PCDH15: variants seen among roughly 807,000 people sequenced by gnomAD.
PCDH15 encodes the protein protocadherin-15.
In PCDH15, 129 loss-of-function variants were observed where a neutral mutation model predicts 178.5. The observed-to-expected ratio is 0.72, with a 90% CI of 0.63 to 0.84. PCDH15 has a LOEUF of 0.84. Among genes scored for constraint, PCDH15 ranks in the 40% least tolerant of loss-of-function variants. PCDH15 has a pLI of 0.00. For missense variants in PCDH15, 2,230 were observed against 2,099.9 expected (o/e 1.06, Z -1.21); for synonymous variants, 800 against 732.0 (o/e 1.09, Z -1.50).
At chr10:54,073,365 C>T (rs2384372) in intron 17 of PCDH15, among the ~76,000 whole-genome samples, 99,848 of 151,688 alleles carry the variant, frequency 0.66, 33,857 homozygotes, top group Middle Eastern at 0.77. Flanking sequence ...TATAACCATA[C>T]GTATTGTGTT....
chr10:54,318,682 G>A (rs1393792702), intron 7 of PCDH15, among the ~76,000 whole-genome samples: 1 of 152,084 alleles, frequency 6.6e-6, no homozygotes, highest in African/African-American at 2.4e-5. Flanking sequence ...TGACAATTTT[G>A]AGCACTGGAT....
chr10:55,044,437 T>A (rs1564743938), intron 2 of PCDH15, among the ~76,000 whole-genome samples: 2 of 152,076 alleles, frequency 1.3e-5, no homozygotes, highest in Admixed American at 6.6e-5. Context: ...TCCACTTATT[T>A]TCAGTATTTC....
rs75471811 is a variant in PCDH15, at chr10:55,218,037, C to T, written c.-155-51386G>A. On this transcript the variant is annotated intron_variant, in intron 1 of 5. Coordinates refer to the PCDH15 transcript ENST00000458638. ...TTCCTCTCTTTTTAGGAAGAGTTCTCCTGACACTTTCTTAGCCATTGGGTT... is the reference window on the plus strand; with the variant it reads ...TTCCTCTCTTTTTAGGAAGAGTTCTTCTGACACTTTCTTAGCCATTGGGTT... 5.6e-3 allele frequency among the ~76,000 whole-genome samples: 850 copies of T among 152,078 alleles called. 19 individuals are homozygous for T. Among genetic ancestry groups the T allele is most frequent in the African/African-American group, 0.018 (737 of 41,486 alleles).
chr10:53,936,252 G>C (rs1024479618), intron 25 of PCDH15, among the ~76,000 whole-genome samples: 3 of 152,130 alleles, frequency 2.0e-5, no homozygotes, highest in African/African-American at 7.2e-5. Context: ...TGATTCTGAT[G>C]TAAATAAATG....
At chr10:54,565,680 A>T (rs1018065674) in intron 2 of PCDH15, among the ~76,000 whole-genome samples, 1 of 152,206 alleles carries the variant, frequency 6.6e-6, no homozygotes, top group Non-Finnish European at 1.5e-5. Context: ...AGCTGTTTGC[A>T]ATTGTGAAAA....
intron 1 of PCDH15, among the ~76,000 whole-genome samples, chr10:55,280,269 C>CTTTTTTTTT (rs1007536850): frequency 1.5e-5 from 1 of 65,990 alleles, no homozygotes; most frequent in Non-Finnish European, 3.0e-5. Context: ...TATTTTGATT[C>CTTTTTTTTT]TTTTTTTTTT....
chr10:55,333,308 G>A (rs967672409), intron 2 of PCDH15, among the ~76,000 whole-genome samples: 24 of 152,098 alleles, frequency 1.6e-4, no homozygotes, highest in African/African-American at 5.1e-4. Flanking sequence ...GGAAATGTAG[G>A]GGAGAGAGGG....
intron 3 of PCDH15, among the ~76,000 whole-genome samples, chr10:54,822,274 A>G (rs1185873942): frequency 6.6e-6 from 1 of 152,010 alleles, no homozygotes; most frequent in East Asian, 1.9e-4. Context: ...TTCTGTGCCT[A>G]TTTACCAAAG....
intron 35 of PCDH15, among the ~76,000 whole-genome samples, chr10:53,811,879 T>C (rs962048251): frequency 6.6e-6 from 1 of 152,228 alleles, no homozygotes; most frequent in Non-Finnish European, 1.5e-5. Flanking sequence ...GTAATTTTTT[T>C]CTAATGGCAA....
intron 1 of PCDH15, among the ~76,000 whole-genome samples, chr10:55,178,348 A>T (rs964714736): frequency 6.6e-6 from 1 of 152,130 alleles, no homozygotes; most frequent in Non-Finnish European, 1.5e-5. Flanking sequence ...AAACTTCAAT[A>T]TTCTTCTGAG....
chr10:54,890,859 T>C (rs1359985151), intron 3 of PCDH15, among the ~76,000 whole-genome samples: 1 of 152,096 alleles, frequency 6.6e-6, no homozygotes, highest in East Asian at 1.9e-4. Context: ...AGACCTAAAG[T>C]TGTCCTCTTT....
chr10:55,118,593 G>A (rs866616330), intron 2 of PCDH15, among the ~76,000 whole-genome samples: 1 of 152,192 alleles, frequency 6.6e-6, no homozygotes, highest in East Asian at 1.9e-4. Context: ...TGATTTCAAT[G>A]CAAGAAGAGG....
intron 1 of PCDH15, among the ~76,000 whole-genome samples, chr10:55,293,426 T>C (rs1843059522): frequency 1.3e-5 from 2 of 152,340 alleles, no homozygotes; most frequent in South Asian, 2.1e-4. Context: ...GTCTTACTTA[T>C]GCAAATTTCT....
intron 2 of PCDH15, among the ~76,000 whole-genome samples, chr10:54,550,336 T>C (rs1301528177): frequency 1.3e-5 from 2 of 152,172 alleles, no homozygotes; most frequent in African/African-American, 4.8e-5. Context: ...AAAATAGTAT[T>C]TGCAAATATC....
At chr10:55,414,020 A>G (rs1838414205) in intron 2 of PCDH15, among the ~76,000 whole-genome samples, 1 of 151,600 alleles carries the variant, frequency 6.6e-6, no homozygotes, top group African/African-American at 2.4e-5. Flanking sequence ...GTTTATTAGA[A>G]AAAATGTATT....
intron 3 of PCDH15, among the ~76,000 whole-genome samples, chr10:54,404,272 A>G (rs1215190341): frequency 6.6e-6 from 1 of 152,074 alleles, no homozygotes; most frequent in Non-Finnish European, 1.5e-5. Context: ...TTCAAATTAT[A>G]CTACAGGGCT....
intron 2 of PCDH15, among the ~76,000 whole-genome samples, chr10:55,015,484 C>T (rs1419994058): frequency 1.3e-5 from 2 of 152,076 alleles, no homozygotes; most frequent in Admixed American, 6.5e-5. Flanking sequence ...GTACTGAGCG[C>T]TGTTCAATGT....
chr10:54,714,783 C>CTCCTGTTT (rs2095460706), intron 1 of PCDH15, among the ~76,000 whole-genome samples: 2 of 152,116 alleles, frequency 1.3e-5, no homozygotes, highest in Non-Finnish European at 2.9e-5. Flanking sequence ...TATTCCCAAA[C>CTCCTGTTT]TATAACCTTT....
At chr10:54,669,505 G>T (rs924408661) in intron 1 of PCDH15, among the ~76,000 whole-genome samples, 2 of 150,670 alleles carry the variant, frequency 1.3e-5, no homozygotes, top group Admixed American at 6.7e-5. Context: ...TTACATTAAT[G>T]ATAGGTAATA....
Sources: gnomAD v4.1 joint callset for allele counts (sites outside exome capture counted in the v4.1 genomes callset) on GRCh38, gnomAD v4.1.1 for gene constraint, MANE v1.5 for transcripts, NCBI Gene and HGNC (gene_info 2026-07-23, HGNC 2026-07-21) for gene names.